The following PCDHAC2 variants were observed in gnomAD, a reference collection of about 807,000 sequenced individuals.
PCDHAC2 encodes protocadherin alpha subfamily C, 2, also known as protocadherin alpha-C2.
In PCDHAC2, 24 loss-of-function variants were observed where a neutral mutation model predicts 63.3. The ratio of observed to expected loss-of-function variants is 0.38; its 90% CI spans 0.27 to 0.53. PCDHAC2 has a LOEUF of 0.53. Among genes scored for constraint, PCDHAC2 ranks in the 20% least tolerant of loss-of-function variants. The pLI is 0.81. For synonymous variants in PCDHAC2, 569 were observed against 529.4 expected (o/e 1.07, Z -1.03); for missense variants, 1,181 against 1,275.2 (o/e 0.93, Z 1.12).
rs1554229943 is a variant in PCDHAC2 at position 140,967,785 on chromosome 5, G to A, written c.1019G>A (p.Arg340Gln). Residue 340 changes from arginine to glutamine, a missense_variant, in exon 1 of 4, where the codon CGG (arginine) becomes CAG (glutamine). Physicochemically the swap from Arg to Gln is conservative, Grantham distance 43. Transcript: ENST00000289269. Reference protein sequence around the residue: ...SYQIYVQATDRGPVPMAGHCK... With the variant: ...SYQIYVQATDQGPVPMAGHCK... ...CAGATCTATGTGCAGGCGACTGACC[G>A]GGGTCCAGTGCCCATGGCAGGTCAC... The A allele has an allele frequency of 3.7e-6, 6 of 1,614,176 alleles. No homozygotes were observed. Among genetic ancestry groups the A allele is most frequent in the Admixed American group, 3.3e-5 (2 of 60,030 alleles).
chr5:140,971,845 G>A (rs370364575), intron 1 of PCDHAC2, among the ~76,000 whole-genome samples: 4 of 152,052 alleles, frequency 2.6e-5, no homozygotes, highest in Admixed American at 6.5e-5. Context: ...CAAGTCATGC[G>A]TTAAATATTT....
At chr5:141,009,529 T>C in intron 3 of PCDHAC2, 98 bp from the exon 4 acceptor site, 2 of 1,505,630 alleles carry the variant, frequency 1.3e-6, no homozygotes, top group Non-Finnish European at 1.8e-6. Context: ...TCTGGGGAGG[T>C]TCAGCCTGCC....
At chr5:140,983,992 C>A (rs2097080247) in intron 3 of PCDHAC2, among the ~76,000 whole-genome samples, 1 of 152,200 alleles carries the variant, frequency 6.6e-6, no homozygotes, top group Non-Finnish European at 1.5e-5. Flanking sequence ...TGAAGCAATT[C>A]ATTAGAGAGC....
chr5:141,007,377 AC>A lies in PCDHAC2; in HGVS notation c.2714-2248del, dbSNP rs1563708435. Among the ~76,000 whole-genome samples, 4 of 136,616 alleles carry A rather than the reference AC, an allele frequency of 2.9e-5. No individual in the cohort carries two copies. The East Asian group carries it at 8.7e-4, about 30-fold the overall frequency. The allele number at this position is 136,616 out of a possible 152,430, so 89.6% of individuals were successfully genotyped here. ...ACCAGCCTGGGCAACATGATGGAAC[AC>A]CATCTCTACTAAAATACAAAAAAAA... On this transcript the variant is annotated intron_variant, in intron 3 of 3. Transcript: ENST00000289269.
chr5:140,988,403 C>T (rs1054317981), intron 3 of PCDHAC2, among the ~76,000 whole-genome samples: 3 of 152,036 alleles, frequency 2.0e-5, no homozygotes, highest in African/African-American at 4.8e-5. Context: ...GAGTTCTCTT[C>T]GCAGCTTATG....
chr5:141,002,246 C>G (rs1217451636), intron 3 of PCDHAC2, among the ~76,000 whole-genome samples: 1 of 152,190 alleles, frequency 6.6e-6, no homozygotes, highest in Non-Finnish European at 1.5e-5. Flanking sequence ...CTTTATTAAC[C>G]TCAGCACTGA....
intron 3 of PCDHAC2, among the ~76,000 whole-genome samples, chr5:140,992,478 A>T (rs2097514142): frequency 6.6e-6 from 1 of 152,210 alleles, no homozygotes; most frequent in African/African-American, 2.4e-5. Flanking sequence ...TAGATCACCC[A>T]GAGGCCAATC....
chr5:141,008,284 GC>G (rs2098367825), intron 3 of PCDHAC2, among the ~76,000 whole-genome samples: 1 of 152,150 alleles, frequency 6.6e-6, no homozygotes, highest in Admixed American at 6.5e-5. Context: ...AATTGAAATA[GC>G]AGTTGTACCC....
intron 3 of PCDHAC2, among the ~76,000 whole-genome samples, chr5:140,986,934 C>T (rs1379562819): frequency 6.6e-6 from 1 of 152,160 alleles, no homozygotes; most frequent in East Asian, 1.9e-4. Flanking sequence ...AGGATGGAGG[C>T]TGGGTGTGGT....
intron 3 of PCDHAC2, among the ~76,000 whole-genome samples, chr5:140,992,706 G>T (rs1554253120): frequency 1.3e-5 from 2 of 152,138 alleles, no homozygotes; most frequent in Admixed American, 1.3e-4. Context: ...TAATGTTCCT[G>T]CCAGTATTCG....
chr5:141,006,992 A>C (rs1187318452), intron 3 of PCDHAC2, among the ~76,000 whole-genome samples: 3 of 152,196 alleles, frequency 2.0e-5, no homozygotes, highest in Non-Finnish European at 2.9e-5. Flanking sequence ...GGCTTAAAAT[A>C]TAAGTCTGCA....
intron 3 of PCDHAC2, among the ~76,000 whole-genome samples, chr5:140,991,912 A>G (rs1022060256): frequency 1.3e-5 from 2 of 152,150 alleles, no homozygotes; most frequent in Non-Finnish European, 2.9e-5. Context: ...CCCTTTTGCC[A>G]TGTAACATAA....
chr5:140,973,755 G>A (rs1442337323), intron 1 of PCDHAC2, among the ~76,000 whole-genome samples: 1 of 152,234 alleles, frequency 6.6e-6, no homozygotes, highest in Admixed American at 6.5e-5. Flanking sequence ...ACTCTGCAGG[G>A]ACACAGCCTG....
chr5:140,968,063 G>A lies in PCDHAC2; in HGVS notation c.1297G>A (p.Ala433Thr). 1 of 1,614,096 alleles carries A rather than the reference G, an allele frequency of 6.2e-7. No homozygotes were observed. Reference protein sequence around the residue: ...VSGPLDRERVAVYNITVTATD... With the variant: ...VSGPLDRERVTVYNITVTATD... ...CGGCCCACTGGACCGAGAGCGGGTG[G>A]CTGTCTACAACATCACGGTGACAGC... Residue 433 changes from alanine (A) to threonine (T), a missense_variant, in exon 1 of 4, where the codon GCT (alanine) becomes ACT (threonine). Transcript: ENST00000289269.
rs376213042 is a variant in PCDHAC2 at position 140,966,900 on chromosome 5, G to A, written c.134G>A (p.Arg45Gln). Residue 45 changes from arginine (R) to glutamine (Q), a missense_variant, in exon 1 of 4, where the codon CGA becomes CAA. By Grantham distance (43) the Arg-to-Gln change is conservative. This residue lies in a region of PCDHAC2 where 210 missense variants were observed against 184.9 expected (regional missense o/e 1.14). Coordinates refer to ENST00000289269, the MANE Select transcript of PCDHAC2 (RefSeq NM_018899.6). ...LLPGPAASQL[R>Q]YSVPEEQAPG... ...CCTGGCCCTGCGGCCTCCCAGCTGCGATACTCTGTGCCAGAGGAGCAGGCA... is the reference window on the plus strand; with the variant it reads ...CCTGGCCCTGCGGCCTCCCAGCTGCAATACTCTGTGCCAGAGGAGCAGGCA... 6.3e-7 allele frequency: 1 copy of A among 1,598,684 alleles called. No homozygotes were observed. Among genetic ancestry groups the A allele is most frequent in the Non-Finnish European group, 8.5e-7 (1 of 1,176,276 alleles).
In PCDHAC2 at chr5:140,966,514, A is replaced by G. The variant is rs2096013065; in HGVS notation, c.-253A>G. On this transcript the variant is annotated 5_prime_UTR_variant, in exon 1 of 4. Coordinates refer to ENST00000289269, the MANE Select transcript of PCDHAC2 (RefSeq NM_018899.6). The stretch of plus-strand genomic sequence containing the variant: ...CTGGAGCTGTAGCGGCAGCAGCAGC[A>G]GGAAGCCGAGCCGGGTTGAGCGACT... 1 of 434,820 alleles carries G rather than the reference A, an allele frequency of 2.3e-6. No individual in the cohort carries two copies. The highest frequency in any genetic ancestry group is 4.0e-6 in the Non-Finnish European group (1 of 250,720). 26.9% of individuals were successfully genotyped at this position (434,820 alleles called of 1,614,324 possible). A position where few individuals can be genotyped will look rare whatever the true frequency, so the allele number is the denominator to read the frequency against.
At chr5:140,993,468 A>G (rs1327306188) in intron 3 of PCDHAC2, among the ~76,000 whole-genome samples, 1 of 69,412 alleles carries the variant, frequency 1.4e-5, no homozygotes, top group African/African-American at 5.6e-5. Context: ...TTTCTCACAC[A>G]CACACACACA....
intron 1 of PCDHAC2, among the ~76,000 whole-genome samples, chr5:140,977,949 G>A (rs919613337): frequency 2.6e-5 from 4 of 152,036 alleles, no homozygotes; most frequent in Admixed American, 6.6e-5. Context: ...TTCAGTGACA[G>A]GGCCACCTCA....
At chr5:140,995,060 A>C (rs1424126097) in intron 3 of PCDHAC2, among the ~76,000 whole-genome samples, 2 of 152,204 alleles carry the variant, frequency 1.3e-5, no homozygotes, top group African/African-American at 2.4e-5. Context: ...AATTTTCAAA[A>C]ATCAACCTAC....
Sources: gnomAD v4.1 joint callset for allele counts (sites outside exome capture counted in the v4.1 genomes callset) on GRCh38, gnomAD v4.1.1 for gene constraint, gnomAD v4.1.1 regional missense constraint, MANE v1.5 for transcripts, NCBI Gene and HGNC (gene_info 2026-07-23, HGNC 2026-07-21) for gene names.